MARCOL: variants seen among roughly 807,000 people sequenced by gnomAD.
MARCOL encodes the protein MARCO like, also known as MARCO-like protein.
rs1755985500 is a variant in MARCOL, at chr5:148,243,037, G to A, written c.641G>A (p.Gly214Glu). The A allele has an allele frequency of 1.0e-5, 4 of 396,944 alleles. No individual in the cohort carries two copies. The highest frequency in any genetic ancestry group is 1.8e-5 in the Non-Finnish European group (4 of 224,982). The allele number at this position is 396,944 out of a possible 1,614,324, so 24.6% of individuals were successfully genotyped here. A position where few individuals can be genotyped will look rare whatever the true frequency, so the allele number is the denominator to read the frequency against. ...TCATCTGGCCAACAGGGGAAGCCAGGGTCATCTAGCCAACAAGGAAATCTA... is the reference window on the plus strand; with the variant it reads ...TCATCTGGCCAACAGGGGAAGCCAGAGTCATCTAGCCAACAAGGAAATCTA... ...PESSGQQGKP[G>E]SSSQQGNLGT... Residue 214 changes from glycine (G) to glutamate (E), a missense_variant, in exon 2 of 2, where the codon GGG becomes GAG. Transcript: ENST00000638089.
In MARCOL at chr5:148,243,038, G is replaced by T. The variant is rs1191823592; in HGVS notation, c.642G>T (p.Gly214=). Reference sequence around the variant, plus strand: ...CATCTGGCCAACAGGGGAAGCCAGGGTCATCTAGCCAACAAGGAAATCTAG... The same window carrying T: ...CATCTGGCCAACAGGGGAAGCCAGGTTCATCTAGCCAACAAGGAAATCTAG... The part of the protein sequence containing the change: ...PESSGQQGKP[G]SSSQQGNLGT... Residue 214 remains glycine, a synonymous_variant, in exon 2 of 2, where the codon GGG becomes GGT. Coordinates refer to ENST00000638089, the MANE Select transcript of MARCOL (RefSeq NM_001363511.2). 5.0e-6 allele frequency: 2 copies of T among 396,986 alleles called. No homozygotes were observed. The highest frequency in any genetic ancestry group is 3.6e-5 in the East Asian group (1 of 27,752). 24.6% of individuals were successfully genotyped at this position (396,986 alleles called of 1,614,324 possible).
intron 1 of MARCOL, 144 bp from the exon 2 acceptor site, chr5:148,242,302 T>C (rs1368310): frequency 0.85 from 326,076 of 384,318 alleles, 143,141 homozygotes; most frequent in Middle Eastern, 0.93. Flanking sequence ...TGAGGAAGAA[T>C]GAGAAGATTC....
Position 148,242,496 on chromosome 5 carries a change from C to A in MARCOL, c.100C>A (p.Pro34Thr), listed in dbSNP as rs1755977266. ...NTSVFKLEENPKPALILEEKN... is the reference protein window; with the variant it reads ...NTSVFKLEENTKPALILEEKN... Reference sequence around the variant, plus strand: ...CAGTGTTTTCAAACTAGAAGAGAATCCAAAACCTGCACTTATTCTGGAGGA... The same window carrying A: ...CAGTGTTTTCAAACTAGAAGAGAATACAAAACCTGCACTTATTCTGGAGGA... Residue 34 changes from proline (P) to threonine (T), a missense_variant, in exon 2 of 2, where the codon CCA (proline) becomes ACA (threonine). Physicochemically the swap from Pro to Thr is conservative, Grantham distance 38. Coordinates refer to ENST00000638089, the MANE Select transcript of MARCOL (RefSeq NM_001363511.2). 4 of 398,060 alleles carry A rather than the reference C, an allele frequency of 1.0e-5. No individual in the cohort carries two copies. In the South Asian group the frequency reaches 5.1e-4, roughly 51 times the overall value. The allele number at this position is 398,060 out of a possible 1,614,324, so 24.7% of individuals were successfully genotyped here.
Position 148,243,078 on chromosome 5 carries a change from C to G in MARCOL, c.682C>G (p.Gln228Glu), listed in dbSNP as rs529447570. Residue 228 changes from glutamine (Q) to glutamate (E), a missense_variant, in exon 2 of 2, where the codon CAG (glutamine) becomes GAG (glutamate). Transcript: ENST00000638089. ...AGGAAATCTAGGAACTTCTGGCCAA[C>G]AGGAGAAGCCAGGATCTTCTAGCCA... ...QQGNLGTSGQ[Q>E]EKPGSSSQQG... 4 of 396,474 alleles carry G rather than the reference C, an allele frequency of 1.0e-5. No homozygotes were observed. In the South Asian group the frequency reaches 5.1e-4, roughly 51 times the overall value. The allele number at this position is 396,474 out of a possible 1,614,324, so 24.6% of individuals were successfully genotyped here.
intron 1 of MARCOL, among the ~76,000 whole-genome samples, chr5:148,240,782 TA>T (rs974205851): frequency 6.6e-5 from 10 of 151,888 alleles, no homozygotes; most frequent in South Asian, 4.1e-4. Flanking sequence ...ATCTCTCAGC[TA>T]AAAAAAAATA....
At chr5:148,241,324 C>A (rs948507213) in intron 1 of MARCOL, among the ~76,000 whole-genome samples, 27 of 151,326 alleles carry the variant, frequency 1.8e-4, no homozygotes, top group Middle Eastern at 6.8e-3. Flanking sequence ...TCAAGTGAGA[C>A]CCTAAGTATA....
chr5:148,238,747 G>C (rs1209613684), intron 1 of MARCOL, 101 bp downstream of exon 1: 1 of 395,830 alleles, frequency 2.5e-6, no homozygotes, highest in Non-Finnish European at 4.5e-6. Context: ...TTTAAAAATA[G>C]GCAATCCATC....
At chr5:148,239,655 G>A (rs946361098) in intron 1 of MARCOL, among the ~76,000 whole-genome samples, 3 of 151,774 alleles carry the variant, frequency 2.0e-5, no homozygotes, top group Non-Finnish European at 4.4e-5. Context: ...AAAAAAAAAG[G>A]GTGAGTTAAG....
chr5:148,242,711 A>G lies in MARCOL; in HGVS notation c.315A>G (p.Ser105=). The change falls in exon 2 of 2, where the codon TCA becomes TCG. Residue 105 remains serine (S), a synonymous_variant. Transcript: ENST00000638089. ...ACCAGCCTGGGATTTTAAAGAATTC[A>G]GGAAAATCTAACCAAAAAGGGAATC... ...VLNQPGILKN[S]GKSNQKGNPE... 1 of 398,460 alleles carries G rather than the reference A, an allele frequency of 2.5e-6. No homozygotes were observed. The highest frequency in any genetic ancestry group is 4.4e-6 in the Non-Finnish European group (1 of 225,976). The allele number at this position is 398,460 out of a possible 1,614,324, so 24.7% of individuals were successfully genotyped here.
chr5:148,242,520 G>GA lies in MARCOL; in HGVS notation c.131dup (p.Asn44LysfsTer2), dbSNP rs1350690955. Reference sequence around the variant, plus strand: ...TCCAAAACCTGCACTTATTCTGGAGGAAAAAAATGAAGCTAACCATCTAGG... The same window carrying GA: ...TCCAAAACCTGCACTTATTCTGGAGGAAAAAAAATGAAGCTAACCATCTAGG... On this transcript the variant is annotated frameshift_variant, in exon 2 of 2. Coordinates refer to ENST00000638089, the MANE Select transcript of MARCOL (RefSeq NM_001363511.2). LOFTEE classifies it low-confidence loss of function (END_TRUNC). 2.5e-6 allele frequency: 1 copy of GA among 398,174 alleles called. No homozygotes were observed. Among genetic ancestry groups the GA allele is most frequent in the Non-Finnish European group, 4.4e-6 (1 of 225,870 alleles). The allele number at this position is 398,174 out of a possible 1,614,324, so 24.7% of individuals were successfully genotyped here.
At chr5:148,238,771 G>A (rs1755932897) in intron 1 of MARCOL, 125 bp downstream of exon 1, 1 of 393,952 alleles carries the variant, frequency 2.5e-6, no homozygotes, top group African/African-American at 2.1e-5. Flanking sequence ...CAGAGAAATG[G>A]AAGAAGGTAA....
chr5:148,240,999 C>A (rs1305557082), intron 1 of MARCOL, among the ~76,000 whole-genome samples: 3 of 151,950 alleles, frequency 2.0e-5, no homozygotes, highest in Non-Finnish European at 4.4e-5. Context: ...TTCATGTGAA[C>A]AGGGCCGTGA....
chr5:148,243,030 AAGCCAGG>A lies in MARCOL; in HGVS notation c.635_641del (p.Lys212SerfsTer9), dbSNP rs1404339771. On this transcript the variant is annotated frameshift_variant, in exon 2 of 2. Transcript: ENST00000638089. LOFTEE classifies it low-confidence loss of function (END_TRUNC). ...GCCAGAGTCATCTGGCCAACAGGGG[AAGCCAGG>A]GTCATCTAGCCAACAAGGAAATCTA... The A allele has an allele frequency of 2.5e-6, 1 of 397,034 alleles. No homozygotes were observed. The highest frequency in any genetic ancestry group is 4.4e-6 in the Non-Finnish European group (1 of 224,884). 24.6% of individuals were successfully genotyped at this position (397,034 alleles called of 1,614,324 possible). A position where few individuals can be genotyped will look rare whatever the true frequency, so the allele number is the denominator to read the frequency against.
chr5:148,242,880 T>G lies in MARCOL; in HGVS notation c.484T>G (p.Ser162Ala). The change falls in exon 2 of 2, where the codon TCT becomes GCT. Residue 162 changes from serine to alanine, a missense_variant. By Grantham distance (99) the Ser-to-Ala change is moderately conservative. Transcript: ENST00000638089. ...TAGCCAGAAAGTGATGGTGGGGTCA[T>G]CTAGCCAACAGGGGAAGCCAGGATC... Reference protein sequence around the residue: ...SFSQKVMVGSSSQQGKPGSSS... With the variant: ...SFSQKVMVGSASQQGKPGSSS... 2.5e-6 allele frequency: 1 copy of G among 399,164 alleles called. No individual in the cohort carries two copies. The highest frequency in any genetic ancestry group is 4.4e-6 in the Non-Finnish European group (1 of 226,440). The allele number at this position is 399,164 out of a possible 1,614,324, so 24.7% of individuals were successfully genotyped here. A position where few individuals can be genotyped will look rare whatever the true frequency, so the allele number is the denominator to read the frequency against.
intron 1 of MARCOL, among the ~76,000 whole-genome samples, chr5:148,240,762 A>G (rs961499144): frequency 6.6e-6 from 1 of 151,924 alleles, no homozygotes; most frequent in Non-Finnish European, 1.5e-5. Context: ...AAGAATCCAT[A>G]CATGTACTCA....
chr5:148,240,998 A>G (rs7715343), intron 1 of MARCOL, among the ~76,000 whole-genome samples: 119,280 of 151,858 alleles, frequency 0.79, 50,095 homozygotes, highest in Middle Eastern at 0.94. Context: ...CTTCATGTGA[A>G]CAGGGCCGTG....
At position 148,243,288 on chromosome 5, in the gene MARCOL, A is replaced by C. The variant is rs1755989288; in HGVS notation, c.*34A>C. ...CCAGCAAGGGAATATAGGATCTCCTAGCCAACAGGAGAAGCCAGAGTCTTC... is the reference window on the plus strand; with the variant it reads ...CCAGCAAGGGAATATAGGATCTCCTCGCCAACAGGAGAAGCCAGAGTCTTC... On this transcript the variant is annotated 3_prime_UTR_variant, in exon 2 of 2. Transcript: ENST00000638089. 2.5e-6 allele frequency: 1 copy of C among 398,310 alleles called. No homozygotes were observed. The highest frequency in any genetic ancestry group is 4.4e-6 in the Non-Finnish European group (1 of 226,084). The allele number at this position is 398,310 out of a possible 1,614,324, so 24.7% of individuals were successfully genotyped here. A position where few individuals can be genotyped will look rare whatever the true frequency, so the allele number is the denominator to read the frequency against.
chr5:148,243,325 G>A lies in MARCOL; in HGVS notation c.*71G>A, dbSNP rs930498523. 2.5e-6 allele frequency: 1 copy of A among 397,380 alleles called. No homozygotes were observed. The highest frequency in any genetic ancestry group is 4.4e-5 in the Admixed American group (1 of 22,636). 24.6% of individuals were successfully genotyped at this position (397,380 alleles called of 1,614,324 possible). A position where few individuals can be genotyped will look rare whatever the true frequency, so the allele number is the denominator to read the frequency against. ...AAGCCAGAGTCTTCTAGCCAACAAG[G>A]GAATCTAGGGTCATCTAGCTATCAA... On this transcript the variant is annotated 3_prime_UTR_variant, in exon 2 of 2. Coordinates refer to ENST00000638089, the MANE Select transcript of MARCOL (RefSeq NM_001363511.2).
At chr5:148,238,972 A>G (rs1054450067) in intron 1 of MARCOL, among the ~76,000 whole-genome samples, 1 of 152,114 alleles carries the variant, frequency 6.6e-6, no homozygotes, top group Non-Finnish European at 1.5e-5. Flanking sequence ...AATTTATAAG[A>G]AAATGGTTTT....
Sources: gnomAD v4.1 joint callset for allele counts (sites outside exome capture counted in the v4.1 genomes callset) on GRCh38, gnomAD v4.1.1 for gene constraint, MANE v1.5 for transcripts, NCBI Gene and HGNC (gene_info 2026-07-23, HGNC 2026-07-21) for gene names.